The following POLR3GL variants were observed in gnomAD, a reference collection of about 807,000 sequenced individuals.
The protein encoded by POLR3GL is RNA polymerase III subunit GL, also known as DNA-directed RNA polymerase III subunit RPC7-like.
Under a neutral mutation model 32.4 loss-of-function variants are expected in POLR3GL, and 26 were observed. The ratio of observed to expected loss-of-function variants is 0.80; its 90% CI spans 0.59 to 1.11. POLR3GL has a LOEUF of 1.11. Among genes scored for constraint, POLR3GL ranks in the 50% most tolerant of loss-of-function variants. POLR3GL has a pLI of 0.00. For missense variants in POLR3GL, 229 were observed against 280.1 expected (o/e 0.82, Z 1.30); for synonymous variants, 95 against 98.7 (o/e 0.96, Z 0.22).
Position 145,978,674 on chromosome 1 carries a change from T to C in POLR3GL, c.*227T>C, listed in dbSNP as rs587613296. 326 of 533,182 alleles carry C rather than the reference T, an allele frequency of 6.1e-4. 3 individuals carry two copies. The South Asian group carries it at 8.1e-3, about 13-fold the overall frequency. The allele number at this position is 533,182 out of a possible 1,614,324, so 33.0% of individuals were successfully genotyped here. A position where few individuals can be genotyped will look rare whatever the true frequency, so the allele number is the denominator to read the frequency against. ...AAAGTGCAAAGGACAAACATCTCAA[T>C]TGTATGAAGGGAGAAAGGAGAATTG... On this transcript the variant is annotated 3_prime_UTR_variant, in exon 8 of 8. Coordinates refer to ENST00000369314, the MANE Select transcript of POLR3GL (RefSeq NM_032305.3).
At position 145,974,953 on chromosome 1, in the gene POLR3GL, T is replaced by C; in HGVS notation, c.88T>C (p.Leu30=). The part of the protein sequence containing the change: ...EAVGIGKGDA[L]PPPTLQPSPL... ...CGTGGGCATTGGGAAAGGGGATGCT[T>C]TGCCCCCACCCACCCTGCAGCCTTC... The change falls in exon 2 of 8, where the codon TTG becomes CTG. Residue 30 remains leucine (L), a synonymous_variant. Transcript: ENST00000369314. 4 of 1,520,714 alleles carry C rather than the reference T, an allele frequency of 2.6e-6. No homozygotes were observed. Among genetic ancestry groups the C allele is most frequent in the Non-Finnish European group, 3.5e-6 (4 of 1,139,704 alleles). The allele number at this position is 1,520,714 out of a possible 1,614,324, so 94.2% of individuals were successfully genotyped here.
At position 145,974,985 on chromosome 1, in the gene POLR3GL, CT is replaced by C; in HGVS notation, c.122del (p.Phe41SerfsTer23). 1 of 1,515,862 alleles carries C rather than the reference CT, an allele frequency of 6.6e-7. No homozygotes were observed. The highest frequency in any genetic ancestry group is 8.8e-7 in the Non-Finnish European group (1 of 1,136,032). 93.9% of individuals were successfully genotyped at this position (1,515,862 alleles called of 1,614,324 possible). A position where few individuals can be genotyped will look rare whatever the true frequency, so the allele number is the denominator to read the frequency against. On this transcript the variant is annotated frameshift_variant, in exon 2 of 8. Coordinates refer to ENST00000369314, the MANE Select transcript of POLR3GL (RefSeq NM_032305.3). LOFTEE classifies it high-confidence loss of function. Reference protein sequence around the residue: ...PPPTLQPSPLFPPLEFRPVPL... With the variant: ...PPPTLQPSPLXPPLEFRPVPL... ...CACCCACCCTGCAGCCTTCTCCACT[CT>C]TCCCTGTGAGTCTCTCCACTCCCTT...
At chr1:145,975,917 T>A in intron 3 of POLR3GL, among the ~76,000 whole-genome samples, 1 of 152,050 alleles carries the variant, frequency 6.6e-6, no homozygotes, top group East Asian at 1.9e-4. Context: ...CCTAGCATAC[T>A]TTCCACTGCA....
chr1:145,973,690 C>CTG (rs1650421602), intron 1 of POLR3GL, among the ~76,000 whole-genome samples: 3 of 145,760 alleles, frequency 2.1e-5, no homozygotes, highest in African/African-American at 7.6e-5. Flanking sequence ...CCAGCCTGGG[C>CTG]AACAAAGTGA....
chr1:145,968,722 C>G lies in POLR3GL; in HGVS notation c.-42+3954C>G, dbSNP rs587713033. On this transcript the variant is annotated intron_variant, in intron 1 of 7. Coordinates refer to ENST00000369314, the MANE Select transcript of POLR3GL (RefSeq NM_032305.3). ...GAGTAGCTGGGATTACAGGCGTGCA[C>G]CACCACGCCTGGCTAATTTTTTGTA... 2.6e-5 allele frequency among the ~76,000 whole-genome samples: 4 copies of G among 152,190 alleles called. No homozygotes were observed. In the South Asian group the frequency reaches 8.3e-4, roughly 32 times the overall value.
At chr1:145,976,988 A>T in intron 3 of POLR3GL, 96 bp from the exon 4 acceptor site, 1 of 1,022,494 alleles carries the variant, frequency 9.8e-7, no homozygotes, top group Non-Finnish European at 1.5e-6. Context: ...GGGTAAGGAA[A>T]CAGATAATTC....
At chr1:145,970,781 C>T (rs1650242891) in intron 1 of POLR3GL, among the ~76,000 whole-genome samples, 2 of 144,658 alleles carry the variant, frequency 1.4e-5, no homozygotes, top group African/African-American at 5.1e-5. Flanking sequence ...GAGGCTGAGG[C>T]AGGAGAATCG....
Position 145,977,823 on chromosome 1 carries a change from A to T in POLR3GL, c.428A>T (p.Asp143Val). ...LPKRPPKTTE[D>V]KEETIQKLET... ...AAGAGGCCCCCTAAGACCACAGAAG[A>T]TAAGGAGGAAACAATACAGAAACTA... is the stretch of plus-strand genomic sequence containing the variant. Residue 143 changes from aspartate to valine, a missense_variant, in exon 6 of 8, where the codon GAT becomes GTT. Asp to Val is a radical substitution (Grantham distance 152). Coordinates refer to ENST00000369314, the MANE Select transcript of POLR3GL (RefSeq NM_032305.3). 1.2e-6 allele frequency: 2 copies of T among 1,614,044 alleles called. No individual in the cohort carries two copies. The highest frequency in any genetic ancestry group is 1.7e-6 in the Non-Finnish European group (2 of 1,179,896).
intron 1 of POLR3GL, among the ~76,000 whole-genome samples, chr1:145,973,149 T>C (rs1445982157): frequency 2.0e-5 from 3 of 152,104 alleles, no homozygotes; most frequent in Middle Eastern, 3.2e-3. Context: ...ATTGGAAAAT[T>C]GTATGAGAAA....
chr1:145,972,007 TATATAC>T (rs1650338351), intron 1 of POLR3GL, among the ~76,000 whole-genome samples: 4 of 120,266 alleles, frequency 3.3e-5, no homozygotes, highest in African/African-American at 1.1e-4. Context: ...TATATATATA[TATATAC>T]GTGTGTGTGT....
At chr1:145,967,942 CAG>C (rs1465975777) in intron 1 of POLR3GL, among the ~76,000 whole-genome samples, 6 of 152,104 alleles carry the variant, frequency 3.9e-5, no homozygotes, top group Admixed American at 3.9e-4. Context: ...AATAAATTAC[CAG>C]AGTTTTGTAG....
At chr1:145,969,614 GA>G (rs1553762370) in intron 1 of POLR3GL, among the ~76,000 whole-genome samples, 1 of 147,892 alleles carries the variant, frequency 6.8e-6, no homozygotes, top group African/African-American at 2.5e-5. Flanking sequence ...ATTCAGTATA[GA>G]AAAAAACAAA....
chr1:145,977,032 G>A (rs1553763493), intron 3 of POLR3GL, 52 bp from the exon 4 acceptor site: 2 of 1,454,122 alleles, frequency 1.4e-6, no homozygotes, highest in South Asian at 2.3e-5. Context: ...CTCAGGAACA[G>A]TCCTGTTCTG....
At position 145,977,267 on chromosome 1, in the gene POLR3GL, A is replaced by G. The variant is rs1332135220; in HGVS notation, c.325+115A>G. On this transcript the variant is annotated intron_variant, in intron 4 of 7. Coordinates refer to ENST00000369314, the MANE Select transcript of POLR3GL (RefSeq NM_032305.3). ...TTCCCCGATCCAGCATCTGCAAGCT[A>G]GAGCCTTAGTTATGGTCCAACACAT... 17 of 994,344 alleles carry G rather than the reference A, an allele frequency of 1.7e-5. No homozygotes were observed. In the African/African-American group the frequency reaches 2.2e-4, roughly 13 times the overall value. 61.6% of individuals were successfully genotyped at this position (994,344 alleles called of 1,614,324 possible).
intron 1 of POLR3GL, among the ~76,000 whole-genome samples, chr1:145,972,402 G>A (rs1650362613): frequency 6.6e-6 from 1 of 151,716 alleles, no homozygotes; most frequent in Non-Finnish European, 1.5e-5. Flanking sequence ...AAAAAAGTGG[G>A]GAGTTATGCT....
chr1:145,968,521 C>CTGGTTAGA (rs1255303807), intron 1 of POLR3GL, among the ~76,000 whole-genome samples: 3 of 151,956 alleles, frequency 2.0e-5, no homozygotes, highest in Non-Finnish European at 4.4e-5. Flanking sequence ...ACTTAACCAG[C>CTGGTTAGA]TGGTTAGAAT....
Position 145,975,416 on chromosome 1 carries a change from G to A in POLR3GL, c.236G>A (p.Arg79Gln), listed in dbSNP as rs781885463. 9.3e-6 allele frequency: 15 copies of A among 1,613,876 alleles called. No individual in the cohort carries two copies. Among genetic ancestry groups the A allele is most frequent in the East Asian group, 2.2e-5 (1 of 44,886 alleles). Residue 79 changes from arginine to glutamine, a missense_variant, in exon 3 of 8, where the codon CGG (arginine) becomes CAG (glutamine). Coordinates refer to ENST00000369314, the MANE Select transcript of POLR3GL (RefSeq NM_032305.3). ...ATGAGGCAGCTCCCCTACTTCATCC[G>A]GCCAGCTGTCCCCAAGAGAGGTCAG... Reference protein sequence around the residue: ...GAMRQLPYFIRPAVPKRDVER... With the variant: ...GAMRQLPYFIQPAVPKRDVER...
Position 145,975,444 on chromosome 1 carries a change from G to A in POLR3GL, c.256+8G>A. On this transcript the variant is annotated splice_region_variant and intron_variant, in intron 3 of 7. Coordinates refer to ENST00000369314, the MANE Select transcript of POLR3GL (RefSeq NM_032305.3). The stretch of plus-strand genomic sequence containing the variant: ...CAGCTGTCCCCAAGAGAGGTCAGTT[G>A]GAATGCTAGCATCATATTCTGAGTG... 6.2e-7 allele frequency: 1 copy of A among 1,612,820 alleles called. No individual in the cohort carries two copies. Among genetic ancestry groups the A allele is most frequent in the Non-Finnish European group, 8.5e-7 (1 of 1,178,898 alleles).
At chr1:145,978,230 C>A (rs1041368818) in intron 7 of POLR3GL, 131 bp from the exon 8 acceptor site, 2 of 1,346,762 alleles carry the variant, frequency 1.5e-6, no homozygotes, top group African/African-American at 1.5e-5. Flanking sequence ...TTCATCTGCC[C>A]CCCTTCTACA....
Sources: allele counts gnomAD v4.1 joint callset (sites outside exome capture counted in the v4.1 genomes callset), GRCh38; gene constraint gnomAD v4.1.1; transcripts MANE v1.5; gene names NCBI Gene and HGNC (gene_info 2026-07-23, HGNC 2026-07-21).